PKNOX2: variants seen among roughly 807,000 people sequenced by gnomAD.
PKNOX2 encodes homeobox protein PKNOX2.
Under a neutral mutation model 53.1 loss-of-function variants are expected in PKNOX2, and 14 were observed. The observed-to-expected ratio is 0.26, with a 90% CI of 0.17 to 0.41. PKNOX2 has a LOEUF of 0.41. Among genes scored for constraint, PKNOX2 ranks in the 10% least tolerant of loss-of-function variants. The pLI, the probability that PKNOX2 is intolerant of heterozygous loss-of-function variation, is 1.00. For synonymous variants in PKNOX2, 257 were observed against 242.8 expected, an observed-to-expected ratio of 1.06 and a Z score of -0.54; for missense variants, 496 against 602.8, an observed-to-expected ratio of 0.82 and a Z score of 1.85.
chr11:125,236,674 C>T (rs1220498341), intron 2 of PKNOX2, among the ~76,000 whole-genome samples: 1 of 152,140 alleles, frequency 6.6e-6, no homozygotes, highest in African/African-American at 2.4e-5. Context: ...TTCTTCAGGT[C>T]CCAGGCCTCT....
chr11:125,170,863 C>T (rs940929295), intron 1 of PKNOX2, among the ~76,000 whole-genome samples: 4 of 122,276 alleles, frequency 3.3e-5, no homozygotes, highest in Admixed American at 9.5e-5. Flanking sequence ...CTGGAGAGTT[C>T]GGATAGGGCC....
intron 4 of PKNOX2, among the ~76,000 whole-genome samples, chr11:125,356,431 C>T (rs922610605): frequency 4.6e-5 from 7 of 152,190 alleles, no homozygotes; most frequent in Non-Finnish European, 1.0e-4. Context: ...AGTTAGAACT[C>T]GTAGTTGAGG....
intron 6 of PKNOX2, 49 bp from the exon 7 acceptor site, chr11:125,397,824 AG>A: frequency 6.5e-7 from 1 of 1,542,218 alleles, no homozygotes; most frequent in Non-Finnish European, 8.8e-7. Context: ...CCAGGCAGTG[AG>A]GGAAATGGGA....
chr11:125,409,368 G>T (rs1466348424), intron 7 of PKNOX2, among the ~76,000 whole-genome samples: 1 of 152,166 alleles, frequency 6.6e-6, no homozygotes, highest in African/African-American at 2.4e-5. Context: ...AAGCGGCAAA[G>T]GTTCCGTGCT....
intron 1 of PKNOX2, among the ~76,000 whole-genome samples, chr11:125,216,003 G>C (rs1940454754): frequency 6.6e-6 from 1 of 152,186 alleles, no homozygotes; most frequent in Non-Finnish European, 1.5e-5. Context: ...CTGCTGACTT[G>C]AATTGCTCAA....
intron 2 of PKNOX2, among the ~76,000 whole-genome samples, chr11:125,266,375 T>G (rs1233098718): frequency 6.6e-6 from 1 of 152,128 alleles, no homozygotes; most frequent in Non-Finnish European, 1.5e-5. Context: ...TTACACTGAC[T>G]TTTGGGGGCA....
At chr11:125,174,730 G>A (rs1298167571) in intron 1 of PKNOX2, among the ~76,000 whole-genome samples, 1 of 152,130 alleles carries the variant, frequency 6.6e-6, no homozygotes, top group Non-Finnish European at 1.5e-5. Flanking sequence ...GAGTCCCCCA[G>A]CTTCCAGGAG....
At chr11:125,350,094 G>A (rs1951215315) in intron 3 of PKNOX2, among the ~76,000 whole-genome samples, 2 of 152,278 alleles carry the variant, frequency 1.3e-5, no homozygotes, top group South Asian at 2.1e-4. Context: ...AGAAGAACAC[G>A]TCCTGCACTC....
At chr11:125,239,582 G>A (rs1942994080) in intron 2 of PKNOX2, 1 of 152,214 alleles carries the variant, frequency 6.6e-6, no homozygotes, top group Non-Finnish European at 1.5e-5. Flanking sequence ...GTGAAAGGTG[G>A]AGGTTTCTTC....
intron 1 of PKNOX2, among the ~76,000 whole-genome samples, chr11:125,225,213 A>G (rs920526208): frequency 4.6e-5 from 7 of 152,194 alleles, no homozygotes; most frequent in Non-Finnish European, 8.8e-5. Context: ...GTCCTGCAGG[A>G]CCTATAGAGC....
intron 2 of PKNOX2, among the ~76,000 whole-genome samples, chr11:125,252,628 G>C (rs1000379462): frequency 1.1e-4 from 16 of 152,204 alleles, no homozygotes; most frequent in African/African-American, 2.9e-4. Context: ...TTCTGGTTTG[G>C]GCAACTGGTG....
intron 1 of PKNOX2, among the ~76,000 whole-genome samples, chr11:125,216,612 CTG>C (rs1940533248): frequency 6.6e-6 from 1 of 152,210 alleles, no homozygotes. Flanking sequence ...CTCTGGTCGT[CTG>C]TGAAAACTGA....
chr11:125,249,495 T>C (rs1031201381), intron 2 of PKNOX2, among the ~76,000 whole-genome samples: 1 of 152,230 alleles, frequency 6.6e-6, no homozygotes, highest in Admixed American at 6.5e-5. Context: ...GACTTTTTTC[T>C]TGTCATTATT....
intron 2 of PKNOX2, among the ~76,000 whole-genome samples, chr11:125,300,395 C>A (rs929053402): frequency 1.3e-5 from 2 of 152,202 alleles, no homozygotes; most frequent in Admixed American, 6.5e-5. Flanking sequence ...ATATTAGTAT[C>A]CCCATTTTAC....
intron 2 of PKNOX2, among the ~76,000 whole-genome samples, chr11:125,245,985 G>A (rs1260996609): frequency 1.3e-5 from 2 of 152,106 alleles, no homozygotes; most frequent in Non-Finnish European, 2.9e-5. Context: ...AAACCAGGGT[G>A]GAAAGGGGAT....
chr11:125,377,611 T>G (rs909715304), intron 5 of PKNOX2, among the ~76,000 whole-genome samples: 1 of 152,204 alleles, frequency 6.6e-6, no homozygotes, highest in African/African-American at 2.4e-5. Context: ...GCCTGCCCTC[T>G]CCTTCCAGCC....
chr11:125,302,628 C>G (rs929806615), intron 2 of PKNOX2, among the ~76,000 whole-genome samples: 2 of 152,190 alleles, frequency 1.3e-5, no homozygotes, highest in Admixed American at 6.5e-5. Flanking sequence ...GTGTTTAAAA[C>G]AAGGCTGTCC....
At chr11:125,251,184 G>A (rs1191542882) in intron 2 of PKNOX2, among the ~76,000 whole-genome samples, 1 of 152,208 alleles carries the variant, frequency 6.6e-6, no homozygotes, top group East Asian at 1.9e-4. Context: ...CCTTGCTAAG[G>A]TTCAGTTCTA....
At chr11:125,427,039 CA>C (rs1026508276) in intron 10 of PKNOX2, among the ~76,000 whole-genome samples, 3 of 152,120 alleles carry the variant, frequency 2.0e-5, no homozygotes, top group Non-Finnish European at 4.4e-5. Context: ...CTGGGAAGGC[CA>C]AAAAATCACC....
Sources: allele counts gnomAD v4.1 joint callset (sites outside exome capture counted in the v4.1 genomes callset), GRCh38; gene constraint gnomAD v4.1.1; transcripts MANE v1.5; gene names NCBI Gene and HGNC (gene_info 2026-07-23, HGNC 2026-07-21).